The following SAMD11 variants were observed in gnomAD, a reference collection of about 807,000 sequenced individuals.
The protein encoded by SAMD11 is sterile alpha motif domain containing 11.
A neutral mutation model predicts 64.4 loss-of-function variants in SAMD11; 77 were observed. That is an observed-to-expected ratio of 1.20 (90% CI 0.99 to 1.44). The LOEUF (loss-of-function observed/expected upper bound fraction) is 1.44. Among genes scored for constraint, SAMD11 ranks in the 40% most tolerant of loss-of-function variants. The pLI is 0.00. For missense variants in SAMD11, 1,402 were observed against 943.3 expected, an observed-to-expected ratio of 1.49 and a Z score of -6.37; for synonymous variants, 658 against 421.9, an observed-to-expected ratio of 1.56 and a Z score of -6.86.
chr1:943,080 A>G, intron 11 of SAMD11, 22 bp downstream of exon 11: 7 of 1,546,146 alleles, frequency 4.5e-6, no homozygotes, highest in Non-Finnish European at 6.1e-6. Context: ...CACACTCTAG[A>G]TCCTTCCAGA....
At chr1:926,063 C>A in intron 2 of SAMD11, 50 bp downstream of exon 2, 1 of 1,553,174 alleles carries the variant, frequency 6.4e-7, no homozygotes, top group Non-Finnish European at 8.8e-7. Context: ...CCCTGCGGAG[C>A]TTGTCCCTGC....
At position 944,093 on chromosome 1, in the gene SAMD11, G is replaced by A. The variant is rs1370288922; in HGVS notation, c.2475G>A (p.Gln825=). 4 of 1,612,154 alleles carry A rather than the reference G, an allele frequency of 2.5e-6. No homozygotes were observed. Among genetic ancestry groups the A allele is most frequent in the Non-Finnish European group, 3.4e-6 (4 of 1,179,708 alleles). ...HALAGQTSPK[Q]ENGTLALLPG... is the part of the protein sequence containing the mutation. ...TTGCCGGTCAAACTTCACCCAAGCAGGAGAATGGGACCTTGGCTCTACTTC... is the reference window on the plus strand; with the variant it reads ...TTGCCGGTCAAACTTCACCCAAGCAAGAGAATGGGACCTTGGCTCTACTTC... The change falls in exon 14 of 14, where the codon CAG becomes CAA. Residue 825 remains glutamine, a synonymous_variant. Coordinates refer to ENST00000616016, the MANE Select transcript of SAMD11 (RefSeq NM_001385641.1).
chr1:930,632 G>A (rs866850885), intron 3 of SAMD11, among the ~76,000 whole-genome samples: 6 of 152,230 alleles, frequency 3.9e-5, no homozygotes, highest in East Asian at 1.9e-4. Context: ...CTTGCTGACC[G>A]GGTCCCAGTC....
chr1:942,868 A>G lies in SAMD11; in HGVS notation c.1863A>G (p.Gln621=). The change falls in exon 11 of 14, where the codon CAA becomes CAG. Residue 621 remains glutamine (Q), a synonymous_variant. Coordinates refer to ENST00000616016, the MANE Select transcript of SAMD11 (RefSeq NM_001385641.1). ...TGACGGGGGCTAGGCTCTGGGCACA[A>G]GATGGCTCGGAAGACGAGCCCCCCA... The part of the protein sequence containing the change: ...KEMTGARLWA[Q]DGSEDEPPKD... 3 of 1,554,054 alleles carry G rather than the reference A, an allele frequency of 1.9e-6. No homozygotes were observed. The highest frequency in any genetic ancestry group is 2.6e-6 in the Non-Finnish European group (3 of 1,148,870).
Position 926,026 on chromosome 1 carries a change from G to T in SAMD11, c.609+13G>T, listed in dbSNP as rs942779903. On this transcript the variant is annotated intron_variant, in intron 2 of 13. Coordinates refer to ENST00000616016, the MANE Select transcript of SAMD11 (RefSeq NM_001385641.1). ...ATCCTCCCCGGTGGTGAGATGCGGG[G>T]CTCGGTTGGGGCTGGGAGTTACTCT... is the stretch of plus-strand genomic sequence containing the variant. 2.5e-6 allele frequency: 4 copies of T among 1,609,188 alleles called. No homozygotes were observed. The highest frequency in any genetic ancestry group is 3.4e-6 in the Non-Finnish European group (4 of 1,179,210).
intron 4 of SAMD11, among the ~76,000 whole-genome samples, chr1:932,680 C>T (rs1027113404): frequency 1.2e-4 from 19 of 152,358 alleles, no homozygotes; most frequent in Middle Eastern, 3.4e-3. Context: ...TGCCAGGCCA[C>T]CTCCATCTGT....
Position 942,789 on chromosome 1 carries a change from C to T in SAMD11, c.1784C>T (p.Pro595Leu), listed in dbSNP as rs1189041480. The change falls in exon 11 of 14, where the codon CCC (proline) becomes CTC (leucine). Residue 595 changes from proline to leucine, a missense_variant. Coordinates refer to ENST00000616016, the MANE Select transcript of SAMD11 (RefSeq NM_001385641.1). ...TCCCGGGACTCTGCCCGGCGAGCCC[C>T]CCGGAAGGGGGGTCCCGGCCCTGCC... is the stretch of plus-strand genomic sequence containing the variant. Reference protein sequence around the residue: ...TPSRDSARRAPRKGGPGPASA... With the variant: ...TPSRDSARRALRKGGPGPASA... The T allele has an allele frequency of 1.3e-6, 2 of 1,541,800 alleles. No homozygotes were observed. The highest frequency in any genetic ancestry group is 2.5e-5 in the East Asian group (1 of 40,002).
Position 944,088 on chromosome 1 carries a change from A to G in SAMD11, c.2470A>G (p.Lys824Glu), listed in dbSNP as rs1374139453. 6.2e-7 allele frequency: 1 copy of G among 1,612,254 alleles called. No individual in the cohort carries two copies. Among genetic ancestry groups the G allele is most frequent in the Non-Finnish European group, 8.5e-7 (1 of 1,179,786 alleles). Residue 824 changes from lysine (K) to glutamate (E), a missense_variant, in exon 14 of 14, where the codon AAG (lysine) becomes GAG (glutamate). Physicochemically the swap from Lys to Glu is moderately conservative, Grantham distance 56. Transcript: ENST00000616016. ...CGCCCTTGCCGGTCAAACTTCACCC[A>G]AGCAGGAGAATGGGACCTTGGCTCT... ...GHALAGQTSP[K>E]QENGTLALLP...
At chr1:938,458 G>A (rs1641576848) in intron 5 of SAMD11, among the ~76,000 whole-genome samples, 1 of 152,214 alleles carries the variant, frequency 6.6e-6, no homozygotes. Context: ...GCTCAGGCAG[G>A]ACTGGGCCAG....
Position 935,851 on chromosome 1 carries a change from T to C in SAMD11, c.922T>C (p.Cys308Arg), listed in dbSNP as rs2100330325. Reference protein sequence around the residue: ...HLVMPEHQSRCEFQRGSLEIG... With the variant: ...HLVMPEHQSRREFQRGSLEIG... The stretch of plus-strand genomic sequence containing the variant: ...CGTTATGCCCGAGCATCAGAGCCGC[T>C]GTGAATTCCAGAGAGGCAGCCTGGA... The change falls in exon 5 of 14, where the codon TGT becomes CGT. Residue 308 changes from cysteine to arginine, a missense_variant. By Grantham distance (180) the Cys-to-Arg change is radical. Coordinates refer to ENST00000616016, the MANE Select transcript of SAMD11 (RefSeq NM_001385641.1). The C allele has an allele frequency of 2.5e-6, 4 of 1,613,172 alleles. No individual in the cohort carries two copies. Among genetic ancestry groups the C allele is most frequent in the Middle Eastern group, 1.7e-4 (1 of 6,056 alleles).
intron 11 of SAMD11, 96 bp downstream of exon 11, chr1:943,154 A>G: frequency 6.3e-7 from 1 of 1,588,630 alleles, no homozygotes; most frequent in Non-Finnish European, 8.6e-7. Context: ...CCCCTTAGGC[A>G]CCCATCCCCC....
intron 4 of SAMD11, among the ~76,000 whole-genome samples, chr1:933,689 C>T (rs949757474): frequency 1.1e-4 from 17 of 152,198 alleles, no homozygotes; most frequent in African/African-American, 3.9e-4. Context: ...AGTCTCGCTG[C>T]CGATTAATCC....
chr1:940,305 C>A (rs868012670), intron 7 of SAMD11: 1 of 143,898 alleles, frequency 6.9e-6, no homozygotes, highest in Non-Finnish European at 1.6e-5. Flanking sequence ...CGCCCCCCCC[C>A]CCCGCCCCGC....
At chr1:943,119 A>C in intron 11 of SAMD11, 61 bp downstream of exon 11, 15 of 1,556,430 alleles carry the variant, frequency 9.6e-6, no homozygotes, top group Non-Finnish European at 1.3e-5. Flanking sequence ...CCGCCTGTGG[A>C]AGGGTCTTGG....
intron 12 of SAMD11, 81 bp from the exon 13 acceptor site, chr1:943,617 A>G: frequency 1.4e-6 from 2 of 1,397,828 alleles, no homozygotes; most frequent in Non-Finnish European, 1.9e-6. Context: ...CGTGAGCTGC[A>G]CAAACAGCTC....
At chr1:926,868 TC>T (rs1045379248) in intron 2 of SAMD11, among the ~76,000 whole-genome samples, 32 of 152,192 alleles carry the variant, frequency 2.1e-4, no homozygotes, top group African/African-American at 7.7e-4. Flanking sequence ...AACCCCTTCT[TC>T]CAGGAAAGGG....
rs755269654 is a variant in SAMD11, at chr1:943,773, C to T, written c.2254C>T (p.Leu752=). ...GGAGCACCTGCTGACCAACATGGGG[C>T]TGAAGCTGGGGCCCGCCCTCAAGAT... ...TEEHLLTNMG[L]KLGPALKIRA... Residue 752 remains leucine, a synonymous_variant, in exon 13 of 14, where the codon CTG becomes TTG. Coordinates refer to ENST00000616016, the MANE Select transcript of SAMD11 (RefSeq NM_001385641.1). The T allele has an allele frequency of 5.3e-5, 86 of 1,612,412 alleles. 1 individual carries two copies. The Admixed American group carries it at 1.4e-3, about 25-fold the overall frequency.
intron 5 of SAMD11, among the ~76,000 whole-genome samples, chr1:938,737 G>A (rs763225055): frequency 9.2e-5 from 14 of 152,330 alleles, no homozygotes; most frequent in Middle Eastern, 3.4e-3. Context: ...TGAGAGGGGG[G>A]CTCGTTAACT....
intron 5 of SAMD11, among the ~76,000 whole-genome samples, chr1:937,447 C>T (rs1260177802): frequency 6.6e-6 from 1 of 151,592 alleles, no homozygotes; most frequent in African/African-American, 2.4e-5. Context: ...GGCCTTAGCC[C>T]CCCACAGAAC....
Sources: gnomAD v4.1 joint callset for allele counts (sites outside exome capture counted in the v4.1 genomes callset) on GRCh38, gnomAD v4.1.1 for gene constraint, MANE v1.5 for transcripts, NCBI Gene and HGNC (gene_info 2026-07-23, HGNC 2026-07-21) for gene names.